The following SHANK2 variants were observed in gnomAD, a reference collection of about 807,000 sequenced individuals.
The protein encoded by SHANK2 is SH3 and multiple ankyrin repeat domains 2.
A neutral mutation model predicts 133.7 loss-of-function variants in SHANK2; 43 were observed. The ratio of observed to expected loss-of-function variants is 0.32; its 90% CI spans 0.25 to 0.41. The LOEUF is 0.41. Ranked by LOEUF, SHANK2 falls within the 10% of genes least tolerant of loss-of-function variation. The pLI, the probability that SHANK2 is intolerant of heterozygous loss-of-function variation, is 1.00. For synonymous variants in SHANK2, 1,017 were observed against 952.8 expected (o/e 1.07, Z -1.24); for missense variants, 1,994 against 2,235.8 (o/e 0.89, Z 2.18).
At position 70,830,080 on chromosome 11, in the gene SHANK2, T is replaced by G. The variant is rs2135394346; in HGVS notation, c.1175-9398A>C. ...TCCCTGGTGGGTGCAGACCACTTCC[T>G]CATTTGCCAAGAAGTCTGGCGCTGA... On this transcript the variant is annotated intron_variant, in intron 11 of 25. Transcript: ENST00000601538. The surrounding 1 kb of genome is among the most constrained non-coding windows in gnomAD (Gnocchi z 4.4). Among the ~76,000 whole-genome samples, 2 of 152,226 alleles carry G rather than the reference T, an allele frequency of 1.3e-5. No homozygotes were observed. Among genetic ancestry groups the G allele is most frequent in the African/African-American group, 4.8e-5 (2 of 41,548 alleles).
intron 15 of SHANK2, among the ~76,000 whole-genome samples, chr11:70,687,927 TG>T (rs1555020044): frequency 6.6e-6 from 1 of 152,068 alleles, no homozygotes; most frequent in African/African-American, 2.4e-5. Context: ...ACTCGCCACC[TG>T]GGAAATGTAC....
At chr11:70,505,442 G>C (rs1031279794) in intron 17 of SHANK2, among the ~76,000 whole-genome samples, 1 of 152,040 alleles carries the variant, frequency 6.6e-6, no homozygotes, top group Non-Finnish European at 1.5e-5. Context: ...GTGAGGCCTT[G>C]GTGAGAAGAC....
In SHANK2 at chr11:70,502,839, C is replaced by G. The variant is rs781860124; in HGVS notation, c.2154G>C (p.Thr718=). Reference sequence around the variant, plus strand: ...CGTCGGGGTCCAGATTCCTGGTCACCGTGACCACCTTAAGGACCAGGTGAT... The same window carrying G: ...CGTCGGGGTCCAGATTCCTGGTCACGGTGACCACCTTAAGGACCAGGTGAT... ...GGNHLVLKVV[T]VTRNLDPDDT... Residue 718 remains threonine, a synonymous_variant, in exon 18 of 26, where the codon ACG becomes ACC. Coordinates refer to ENST00000601538, the MANE Select transcript of SHANK2 (RefSeq NM_012309.5). The G allele has an allele frequency of 2.5e-6, 4 of 1,613,056 alleles. No homozygotes were observed. The highest frequency in any genetic ancestry group is 3.4e-6 in the Non-Finnish European group (4 of 1,179,710).
At chr11:71,138,528 C>A (rs1952491588) in intron 3 of SHANK2, among the ~76,000 whole-genome samples, 2 of 151,994 alleles carry the variant, frequency 1.3e-5, no homozygotes, top group Admixed American at 1.3e-4. Flanking sequence ...TGGAATCAAG[C>A]ATATCCGGCC....
At chr11:70,738,433 G>A (rs1201916978) in intron 14 of SHANK2, among the ~76,000 whole-genome samples, 1 of 152,236 alleles carries the variant, frequency 6.6e-6, no homozygotes, top group African/African-American at 2.4e-5. Flanking sequence ...GACGCCCAAG[G>A]CTCCGAGCAG....
At chr11:70,632,698 T>C (rs1400370414) in intron 17 of SHANK2, among the ~76,000 whole-genome samples, 1 of 152,070 alleles carries the variant, frequency 6.6e-6, no homozygotes, top group African/African-American at 2.4e-5. Flanking sequence ...GAGCACTCGG[T>C]GGATGCTGGG....
chr11:71,209,984 G>A (rs1440306868), intron 2 of SHANK2, among the ~76,000 whole-genome samples: 8 of 151,744 alleles, frequency 5.3e-5, no homozygotes, highest in Non-Finnish European at 1.2e-4. Flanking sequence ...CAGGACGTGG[G>A]TTGTGTGCTG....
At chr11:70,534,791 C>T (rs1023887737) in intron 17 of SHANK2, among the ~76,000 whole-genome samples, 6 of 152,138 alleles carry the variant, frequency 3.9e-5, no homozygotes, top group Non-Finnish European at 7.4e-5. Context: ...CTGCACAGAC[C>T]GAGGGATGTA....
At chr11:70,719,920 C>T (rs766941027) in intron 14 of SHANK2, among the ~76,000 whole-genome samples, 1 of 152,120 alleles carries the variant, frequency 6.6e-6, no homozygotes, top group East Asian at 1.9e-4. Context: ...AAATCCCCCA[C>T]ATCAGGCTGA....
At chr11:70,522,597 G>A (rs1235151919) in intron 17 of SHANK2, among the ~76,000 whole-genome samples, 5 of 152,230 alleles carry the variant, frequency 3.3e-5, no homozygotes, top group Non-Finnish European at 5.9e-5. Context: ...CAGGGCCTCC[G>A]AGTCCCTGCT....
chr11:71,147,132 G>T lies in SHANK2; in HGVS notation c.195C>A (p.Asp65Glu). 6.5e-7 allele frequency: 1 copy of T among 1,548,660 alleles called. No individual in the cohort carries two copies. Among genetic ancestry groups the T allele is most frequent in the Non-Finnish European group, 8.7e-7 (1 of 1,146,704 alleles). The change falls in exon 3 of 26, where the codon GAC becomes GAA. Residue 65 changes from aspartate (D) to glutamate (E), a missense_variant. Coordinates refer to ENST00000601538, the MANE Select transcript of SHANK2 (RefSeq NM_012309.5). Reference protein sequence around the residue: ...NTLVIRVVIHDLQQTKCIRFN... With the variant: ...NTLVIRVVIHELQQTKCIRFN... Reference sequence around the variant, plus strand: ...CCACGGGGCTCACCGTCTGCTGCAGGTCATGGATGACCACGCGGATCACCA... The same window carrying T: ...CCACGGGGCTCACCGTCTGCTGCAGTTCATGGATGACCACGCGGATCACCA...
At chr11:70,745,868 A>G (rs2134848411) in intron 14 of SHANK2, among the ~76,000 whole-genome samples, 1 of 152,342 alleles carries the variant, frequency 6.6e-6, no homozygotes, top group East Asian at 1.9e-4. Context: ...GATCCGCCAC[A>G]CCTGAGACCT....
At chr11:70,710,782 G>A (rs1243198484) in intron 14 of SHANK2, among the ~76,000 whole-genome samples, 3 of 152,118 alleles carry the variant, frequency 2.0e-5, no homozygotes, top group Non-Finnish European at 2.9e-5. Context: ...CCCCTCCACC[G>A]GAGCCCTGTG....
rs141040521 is a variant in SHANK2, at chr11:70,473,398, G to A, written c.5021C>T (p.Thr1674Met). ...GGGGCGAACAGTGAAGGTGACCGTC[G>A]TGCTCCGTGTACCTGAGATGGTGCT... ...IMSTISGTRS[T>M]TVTFTVRPGT... Residue 1674 changes from threonine (T) to methionine (M), a missense_variant, in exon 26 of 26, where the codon ACG (threonine) becomes ATG (methionine). By Grantham distance (81) the Thr-to-Met change is moderately conservative (BLOSUM62 -1). Coordinates refer to ENST00000601538, the MANE Select transcript of SHANK2 (RefSeq NM_012309.5). The surrounding 1 kb of genome is among the most constrained non-coding windows in gnomAD (Gnocchi z 5.9). 3.6e-4 allele frequency: 581 copies of A among 1,608,438 alleles called. 2 individuals are homozygous for A. Among genetic ancestry groups the A allele is most frequent in the South Asian group, 3.4e-3 (306 of 91,070 alleles).
At chr11:70,745,813 G>A (rs1946625838) in intron 14 of SHANK2, among the ~76,000 whole-genome samples, 1 of 152,252 alleles carries the variant, frequency 6.6e-6, no homozygotes, top group African/African-American at 2.4e-5. Flanking sequence ...ACGCATTGCT[G>A]AGGATGCAAA....
At chr11:70,713,201 C>T (rs1320384419) in intron 14 of SHANK2, among the ~76,000 whole-genome samples, 2 of 152,196 alleles carry the variant, frequency 1.3e-5, no homozygotes, top group Admixed American at 1.3e-4. Context: ...AATCCAGGGG[C>T]CAAGGAAGCA....
chr11:70,758,159 C>A (rs1478869299), intron 14 of SHANK2, among the ~76,000 whole-genome samples: 1 of 152,220 alleles, frequency 6.6e-6, no homozygotes, highest in Non-Finnish European at 1.5e-5. Context: ...TCATCTATTG[C>A]CTGAAAGCAC....
At chr11:70,771,035 CCA>C (rs781988559) in intron 14 of SHANK2, among the ~76,000 whole-genome samples, 39 of 150,508 alleles carry the variant, frequency 2.6e-4, no homozygotes, top group Non-Finnish European at 3.1e-4. Flanking sequence ...AGCGATACAC[CCA>C]CCTCAGCCTC....
chr11:71,096,065 G>A (rs1320923692), intron 6 of SHANK2, among the ~76,000 whole-genome samples: 4 of 148,782 alleles, frequency 2.7e-5, no homozygotes, highest in African/African-American at 9.9e-5. Context: ...CAGGCTTCCT[G>A]TCTTCCCCAA....
Sources: allele counts gnomAD v4.1 joint callset (sites outside exome capture counted in the v4.1 genomes callset), GRCh38; gene constraint gnomAD v4.1.1; non-coding constraint Gnocchi (gnomAD v3.1); transcripts MANE v1.5; gene names NCBI Gene and HGNC (gene_info 2026-07-23, HGNC 2026-07-21).